TASOR2: variants seen among roughly 807,000 people sequenced by gnomAD.
TASOR2 encodes the protein transcription activation suppressor family member 2, also known as protein TASOR 2.
TASOR2 carries 84 observed loss-of-function variants against 199.5 expected under a neutral mutation model. That is an observed-to-expected ratio of 0.42 (90% CI 0.35 to 0.50). The LOEUF is 0.50. TASOR2 is among the 20% of genes least tolerant of loss of function. The pLI, the probability that TASOR2 is intolerant of heterozygous loss-of-function variation, is 0.02. For synonymous variants in TASOR2, 1,103 were observed against 1,046.6 expected (o/e 1.05, Z -1.04); for missense variants, 2,796 against 2,835.9 (o/e 0.99, Z 0.32).
At position 5,750,112 on chromosome 10, in the gene TASOR2, AAAG is replaced by A. The variant is rs869311099; in HGVS notation, c.6606+88_6606+90del. On this transcript the variant is annotated intron_variant, in intron 15 of 20. Coordinates refer to ENST00000328090, the Ensembl canonical transcript of TASOR2. The surrounding 1 kb of genome is among the most constrained non-coding windows in gnomAD (Gnocchi z 5.4). ...ATAAATTTAGCATATTAGCCATCAA[AAAG>A]AAATCATGGTATGACATAGTATTTA... is the stretch of plus-strand genomic sequence containing the variant. 30 of 1,396,062 alleles carry A rather than the reference AAAG, an allele frequency of 2.1e-5. No homozygotes were observed. The African/African-American group carries it at 2.5e-4, about 11-fold the overall frequency. The allele number at this position is 1,396,062 out of a possible 1,614,324, so 86.5% of individuals were successfully genotyped here. A position where few individuals can be genotyped will look rare whatever the true frequency, so the allele number is the denominator to read the frequency against.
chr10:5,717,016 A>C lies in TASOR2; in HGVS notation c.-191-643A>C, dbSNP rs1832744947. Among the ~76,000 whole-genome samples the C allele has an allele frequency of 2.4e-5, 3 of 123,956 alleles. No individual in the cohort carries two copies. In the South Asian group the frequency reaches 8.6e-4, roughly 36 times the overall value. 81.3% of individuals were successfully genotyped at this position (123,956 alleles called of 152,430 possible). ...AAAGTAAATTACAAATAACCACTGC[A>C]GCTTACATCTCAAAAAAAAAAAAAA... On this transcript the variant is annotated intron_variant, in intron 2 of 20. Coordinates refer to ENST00000328090, the Ensembl canonical transcript of TASOR2.
chr10:5,697,822 A>G (rs898724036), intron 1 of TASOR2, among the ~76,000 whole-genome samples: 3 of 152,226 alleles, frequency 2.0e-5, no homozygotes, highest in African/African-American at 4.8e-5. Flanking sequence ...GACATGTATA[A>G]CAAAAATAGT....
rs773506057 is a variant in TASOR2, at chr10:5,740,449, A to G, written c.2279A>G (p.Lys760Arg). The G allele has an allele frequency of 2.5e-6, 4 of 1,613,828 alleles. No individual in the cohort carries two copies. In the African/African-American group the frequency reaches 5.3e-5, roughly 22 times the overall value. Reference sequence around the variant, plus strand: ...GAATATGCATTCAGTTTAGACAGCAAATATACCAACAACCCACTGGAGAAA... The same window carrying G: ...GAATATGCATTCAGTTTAGACAGCAGATATACCAACAACCCACTGGAGAAA... The change falls in exon 13 of 21, where the codon AAA becomes AGA. Residue 760 changes from lysine to arginine, a missense_variant. By Grantham distance (26) the Lys-to-Arg change is conservative. Transcript: ENST00000328090. This position sits in a 1 kb window ranked among gnomAD's most constrained non-coding sequence, Gnocchi z 5.3.
rs1406405253 is a variant in TASOR2 at position 5,685,152 on chromosome 10, GGGC to G, written c.-304_-302del. The G allele has an allele frequency of 5.0e-6, 2 of 398,068 alleles. No individual in the cohort carries two copies. The highest frequency in any genetic ancestry group is 8.9e-6 in the Non-Finnish European group (2 of 225,678). The allele number at this position is 398,068 out of a possible 1,614,324, so 24.7% of individuals were successfully genotyped here. On this transcript the variant is annotated 5_prime_UTR_variant, in exon 1 of 21. Transcript: ENST00000328090. This position sits in a 1 kb window ranked among gnomAD's most constrained non-coding sequence, Gnocchi z 5.4. ...CCGAGCCGGGATCTCAGGTCCTCGG[GGGC>G]GGCGGCCACGCCAAGGACGGGTAAG...
At position 5,732,818 on chromosome 10, in the gene TASOR2, G is replaced by A. The variant is rs564896605; in HGVS notation, c.1204+1615G>A. Among the ~76,000 whole-genome samples the A allele has an allele frequency of 3.9e-5, 6 of 152,284 alleles. No individual in the cohort carries two copies. The East Asian group carries it at 9.7e-4, about 24-fold the overall frequency. ...CTCCCAAAGTGTTGGGATTACAGGC[G>A]TCAGCCACTGTACCCAACCTTGGTT... On this transcript the variant is annotated intron_variant, in intron 11 of 20. Coordinates refer to ENST00000328090, the Ensembl canonical transcript of TASOR2.
At chr10:5,709,158 G>A (rs889230568) in intron 1 of TASOR2, among the ~76,000 whole-genome samples, 1 of 152,140 alleles carries the variant, frequency 6.6e-6, no homozygotes, top group Non-Finnish European at 1.5e-5. Context: ...TTTGGGGGAG[G>A]AGAGAGATTT....
chr10:5,763,163 GA>G, exon 21 of TASOR2: 1 of 881,172 alleles, frequency 1.1e-6, no homozygotes, highest in South Asian at 1.9e-5. Context: ...CTACAACTTG[GA>G]AAGTTTTCAT....
At position 5,751,848 on chromosome 10, in the gene TASOR2, A is replaced by G. The variant is rs1159310440; in HGVS notation, c.6606+1821A>G. On this transcript the variant is annotated intron_variant, in intron 15 of 20. Transcript: ENST00000328090. This position sits in a 1 kb window ranked among gnomAD's most constrained non-coding sequence, Gnocchi z 5.3. ...CATCTCTATTTATGTATAAAAAGCA[A>G]AAACAGAGGAGTTCACACTCATCCC... 1.3e-5 allele frequency among the ~76,000 whole-genome samples: 2 copies of G among 152,320 alleles called. No individual in the cohort carries two copies. The highest frequency in any genetic ancestry group is 4.2e-4 in the South Asian group (2 of 4,814).
intron 8 of TASOR2, among the ~76,000 whole-genome samples, chr10:5,725,707 G>A (rs1273239776): frequency 6.6e-6 from 1 of 152,150 alleles, no homozygotes; most frequent in Non-Finnish European, 1.5e-5. Flanking sequence ...CTTGAGCCTG[G>A]GAGTTCAAGG....
intron 15 of TASOR2, among the ~76,000 whole-genome samples, chr10:5,753,015 GT>G (rs199867537): frequency 6.6e-6 from 1 of 151,264 alleles, no homozygotes; most frequent in Admixed American, 6.6e-5. Context: ...GTTTTTAAAG[GT>G]TTTTTTTTCA....
Position 5,720,401 on chromosome 10 carries a change from T to C in TASOR2, c.-99-143T>C, listed in dbSNP as rs868043633. 7.2e-7 allele frequency: 1 copy of C among 1,382,764 alleles called. No individual in the cohort carries two copies. The allele number at this position is 1,382,764 out of a possible 1,614,324, so 85.7% of individuals were successfully genotyped here. ...TCGTGCCTTTGAACTGAGTCAGGTATAGTTACCTGTGAATGAGTAACACCC... is the reference window on the plus strand; with the variant it reads ...TCGTGCCTTTGAACTGAGTCAGGTACAGTTACCTGTGAATGAGTAACACCC... On this transcript the variant is annotated intron_variant, in intron 3 of 20. Coordinates refer to ENST00000328090, the Ensembl canonical transcript of TASOR2. This position sits in a 1 kb window ranked among gnomAD's most constrained non-coding sequence, Gnocchi z 5.3.
Position 5,748,118 on chromosome 10 carries a change from A to G in TASOR2, c.4697A>G (p.His1566Arg), listed in dbSNP as rs1238429963. ...GAGAATAGAAATTTGGACTTAAAAC[A>G]TCTTGTCTTGGAGTCCAGTGAACCT... Residue 1566 changes from histidine (H) to arginine (R), a missense_variant, in exon 15 of 21, where the codon CAT (histidine) becomes CGT (arginine). This residue lies in a region of TASOR2 where 1,941 missense variants were observed against 1,924.9 expected (regional missense o/e 1.01). Transcript: ENST00000328090. The surrounding 1 kb of genome is among the most constrained non-coding windows in gnomAD (Gnocchi z 5.1). The G allele has an allele frequency of 3.7e-6, 6 of 1,614,134 alleles. No homozygotes were observed. In the East Asian group the frequency reaches 6.7e-5, roughly 18 times the overall value.
intron 16 of TASOR2, among the ~76,000 whole-genome samples, 187 bp downstream of exon 17, chr10:5,756,925 T>TA (rs1175590768): frequency 1.3e-5 from 2 of 152,192 alleles, no homozygotes; most frequent in Non-Finnish European, 2.9e-5. Flanking sequence ...GGCAGATGGT[T>TA]AAAAAAATCA....
At position 5,709,450 on chromosome 10, in the gene TASOR2, C is replaced by T. The variant is rs1831635442; in HGVS notation, c.-287-3373C>T. ...ATAATTATTCCTAATACAAATTACT[C>T]AGCGAACATTTGTTTCTATAGTAAA... On this transcript the variant is annotated intron_variant, in intron 1 of 20. Transcript: ENST00000328090. 5.6e-6 allele frequency: 5 copies of T among 898,772 alleles called. No homozygotes were observed. In the East Asian group the frequency reaches 1.3e-4, roughly 24 times the overall value. The allele number at this position is 898,772 out of a possible 1,614,324, so 55.7% of individuals were successfully genotyped here.
At chr10:5,686,103 G>C (rs532518698) in intron 1 of TASOR2, among the ~76,000 whole-genome samples, 1 of 152,306 alleles carries the variant, frequency 6.6e-6, no homozygotes, top group Non-Finnish European at 1.5e-5. Flanking sequence ...TATAGGAATG[G>C]GTGACTGTAT....
rs1331872789 is a variant in TASOR2, at chr10:5,740,886, G to A, written c.2327+389G>A. Among the ~76,000 whole-genome samples the A allele has an allele frequency of 6.6e-6, 1 of 152,184 alleles. No homozygotes were observed. The highest frequency in any genetic ancestry group is 2.4e-5 in the African/African-American group (1 of 41,456). ...AACATTTTAAAAATCACTGTAGCTT[G>A]GTAAATTGGTCAGATTGATAGGAGT... On this transcript the variant is annotated intron_variant, in intron 13 of 20. Coordinates refer to ENST00000328090, the Ensembl canonical transcript of TASOR2. The surrounding 1 kb of genome is among the most constrained non-coding windows in gnomAD (Gnocchi z 5.3).
In TASOR2 at chr10:5,748,116, A is replaced by G; in HGVS notation, c.4695A>G (p.Lys1565=). 1.2e-6 allele frequency: 2 copies of G among 1,614,224 alleles called. No individual in the cohort carries two copies. Among genetic ancestry groups the G allele is most frequent in the Non-Finnish European group, 1.7e-6 (2 of 1,180,036 alleles). ...TAGAGAATAGAAATTTGGACTTAAA[A>G]CATCTTGTCTTGGAGTCCAGTGAAC... The change falls in exon 15 of 21, where the codon AAA becomes AAG. Residue 1565 remains lysine, a synonymous_variant. Transcript: ENST00000328090. This position sits in a 1 kb window ranked among gnomAD's most constrained non-coding sequence, Gnocchi z 5.1.
At position 5,746,370 on chromosome 10, in the gene TASOR2, G is replaced by T. The variant is rs180885979; in HGVS notation, c.2949G>T (p.Gly983=). The T allele has an allele frequency of 3.2e-5, 51 of 1,614,112 alleles. No individual in the cohort carries two copies. The East Asian group carries it at 1.1e-3, about 35-fold the overall frequency. The change falls in exon 15 of 21, where the codon GGG becomes GGT. Residue 983 remains glycine, a synonymous_variant. Coordinates refer to ENST00000328090, the Ensembl canonical transcript of TASOR2. Reference sequence around the variant, plus strand: ...CCACATTCACCAGGACTTACGATGGGCCTGGCAGTCAGCCAGTGATATGTC... The same window carrying T: ...CCACATTCACCAGGACTTACGATGGTCCTGGCAGTCAGCCAGTGATATGTC...
chr10:5,748,200 C>T lies in TASOR2; in HGVS notation c.4779C>T (p.Ser1593=), dbSNP rs368396539. Residue 1593 remains serine, a synonymous_variant, in exon 15 of 21, where the codon TCC becomes TCT. Coordinates refer to ENST00000328090, the Ensembl canonical transcript of TASOR2. The surrounding 1 kb of genome is among the most constrained non-coding windows in gnomAD (Gnocchi z 5.1). ...AGTCTTTGTCTGACACATTGGTTTC[C>T]ACAACTGCACCAAGTGGTATAGTGA... The T allele has an allele frequency of 2.5e-5, 41 of 1,614,074 alleles. No homozygotes were observed. Among genetic ancestry groups the T allele is most frequent in the Middle Eastern group, 1.6e-4 (1 of 6,084 alleles).
Sources: gnomAD v4.1 joint callset for allele counts (sites outside exome capture counted in the v4.1 genomes callset) on GRCh38, gnomAD v4.1.1 for gene constraint, gnomAD v4.1.1 regional missense constraint, Gnocchi (gnomAD v3.1) non-coding constraint, MANE v1.5 for transcripts, NCBI Gene and HGNC (gene_info 2026-07-23, HGNC 2026-07-21) for gene names.